SATL1: variants seen among roughly 807,000 people sequenced by gnomAD.
SATL1 encodes spermidine/spermine N(1)-acetyltransferase-like protein 1.
Under a neutral mutation model 51.8 loss-of-function variants are expected in SATL1, and 47 were observed. The observed-to-expected ratio is 0.91, with a 90% confidence interval of 0.72 to 1.16. The LOEUF is 1.16. Ranked by LOEUF, SATL1 falls within the 50% of genes most tolerant of loss-of-function variation. SATL1 has a pLI of 0.00. For synonymous variants in SATL1, 176 were observed against 182.4 expected, an observed-to-expected ratio of 0.97 and a Z score of 0.28; for missense variants, 520 against 526.4, an observed-to-expected ratio of 0.99 and a Z score of 0.12.
At chrX:85,161,479 TA>T (rs375382557) in intron 2 of SATL1, among the ~76,000 whole-genome samples, 7,441 of 59,374 alleles carry the variant, frequency 0.13, 670 homozygotes, top group African/African-American at 0.31. Flanking sequence ...GCCAAGCAAA[TA>T]AAAAAAAAAA....
chrX:85,195,844 G>A (rs66544435), intron 2 of SATL1, among the ~76,000 whole-genome samples: 30,559 of 109,219 alleles, frequency 0.28, 5,063 homozygotes, highest in African/African-American at 0.62. Context: ...AGTTTTGTCT[G>A]TGGGGGTTCA....
chrX:85,174,901 T>TAACA (rs1261179229), intron 2 of SATL1, among the ~76,000 whole-genome samples: 7 of 111,698 alleles, frequency 6.3e-5, no homozygotes, highest in Admixed American at 2.9e-4. Flanking sequence ...AAGACTTTAA[T>TAACA]AACAAAACCT....
At chrX:85,145,899 C>CTT (rs34920295) in intron 2 of SATL1, among the ~76,000 whole-genome samples, 148 of 96,614 alleles carry the variant, frequency 1.5e-3, no homozygotes, top group South Asian at 9.0e-3. Context: ...ACAGTATATT[C>CTT]TTTTTTTTTT....
chrX:85,193,799 G>T (rs779580393), intron 2 of SATL1, among the ~76,000 whole-genome samples: 3 of 111,997 alleles, frequency 2.7e-5, no homozygotes, highest in Non-Finnish European at 5.6e-5. Flanking sequence ...GCATTAGTTT[G>T]CTAAGAATAA....
intron 2 of SATL1, among the ~76,000 whole-genome samples, chrX:85,171,445 T>G (rs1369450834): frequency 8.9e-6 from 1 of 111,886 alleles, no homozygotes. Context: ...TGCAATATCA[T>G]TCTAATGTTT....
intron 4 of SATL1, among the ~76,000 whole-genome samples, chrX:85,096,597 A>T (rs767752242): frequency 8.9e-6 from 1 of 111,973 alleles, no homozygotes; most frequent in East Asian, 2.8e-4. Context: ...ACCAAGACAC[A>T]TTATAATGAA....
In SATL1 at chrX:85,139,095, G is replaced by T. The variant is rs750370312; in HGVS notation, c.-312-29815C>A. Among the ~76,000 whole-genome samples, 9 of 111,274 alleles carry T rather than the reference G, an allele frequency of 8.1e-5. No individual in the cohort carries two copies. In the East Asian group the frequency reaches 2.5e-3, roughly 31 times the overall value. On this transcript the variant is annotated intron_variant, in intron 2 of 7. Coordinates refer to ENST00000644105, the MANE Select transcript of SATL1 (RefSeq NM_001367857.2). The stretch of plus-strand genomic sequence containing the variant: ...ATGCAGAATTTTCTAGCCGTTTGCT[G>T]ACCACCATCATAAGGAGACTTTCAC...
At position 85,107,872 on chromosome X, in the gene SATL1, G is replaced by A. The variant is rs746785411; in HGVS notation, c.1097C>T (p.Thr366Met). The A allele has an allele frequency of 2.0e-5, 24 of 1,211,092 alleles. No individual in the cohort carries two copies. Among genetic ancestry groups the A allele is most frequent in the East Asian group, 5.9e-5 (2 of 33,781 alleles). Reference protein sequence around the residue: ...PSQSGPRQSSTSQAGTNQSGI... With the variant: ...PSQSGPRQSSMSQAGTNQSGI... ...TGATTGGTTTGTGCCTGCTTGGCTC[G>A]TGCTTGATTGTCTGGGGCCTGATTG... Residue 366 changes from threonine (T) to methionine (M), a missense_variant, in exon 3 of 8, where the codon ACG (threonine) becomes ATG (methionine). Transcript: ENST00000644105.
chrX:85,205,600 C>T (rs1927777345), intron 2 of SATL1, among the ~76,000 whole-genome samples: 1 of 111,859 alleles, frequency 8.9e-6, no homozygotes, highest in Non-Finnish European at 1.9e-5. Flanking sequence ...AGAAGAACTA[C>T]TACAAAAATC....
At chrX:85,220,315 T>C (rs1296383985) in intron 2 of SATL1, among the ~76,000 whole-genome samples, 1 of 109,607 alleles carries the variant, frequency 9.1e-6, no homozygotes, top group Non-Finnish European at 1.9e-5. Flanking sequence ...GCAAACTTGA[T>C]AGGCAGTCTA....
intron 2 of SATL1, chrX:85,117,389 T>C (rs1925403810): frequency 1.8e-5 from 2 of 111,866 alleles, no homozygotes; most frequent in Non-Finnish European, 3.8e-5. Flanking sequence ...TGGTAACAAC[T>C]CCGGCTTGGT....
At chrX:85,125,785 T>G (rs749141506) in intron 2 of SATL1, among the ~76,000 whole-genome samples, 23 of 109,863 alleles carry the variant, frequency 2.1e-4, no homozygotes, top group African/African-American at 7.2e-4. Flanking sequence ...ATCATTCAAT[T>G]AAAATCCTTA....
intron 2 of SATL1, among the ~76,000 whole-genome samples, chrX:85,111,750 T>G (rs962319328): frequency 8.9e-6 from 1 of 112,221 alleles, no homozygotes. Flanking sequence ...TTTCTAAAAC[T>G]TCAAAATGTA....
chrX:85,125,957 T>A (rs759647132), intron 2 of SATL1, among the ~76,000 whole-genome samples: 2 of 110,666 alleles, frequency 1.8e-5, no homozygotes, highest in African/African-American at 6.6e-5. Flanking sequence ...CTCATTGTAA[T>A]CCTATGTTAC....
At chrX:85,241,204 C>CAT (rs968504280) in intron 1 of SATL1, among the ~76,000 whole-genome samples, 10 of 110,350 alleles carry the variant, frequency 9.1e-5, no homozygotes, top group Admixed American at 2.9e-4. Flanking sequence ...ACAGTAGAGC[C>CAT]ATATATATAT....
rs1482096479 is a variant in SATL1, at chrX:85,202,411, TG to T, written c.-313+21793del. Among the ~76,000 whole-genome samples, 3 of 111,796 alleles carry T rather than the reference TG, an allele frequency of 2.7e-5. No individual in the cohort carries two copies. The Admixed American group carries it at 2.9e-4, about 11-fold the overall frequency. On this transcript the variant is annotated intron_variant, in intron 2 of 7. Coordinates refer to ENST00000644105, the MANE Select transcript of SATL1 (RefSeq NM_001367857.2). ...TTTGGTAGAGTTTTGCTTGGTTATA[TG>T]GCTTCCCTGTGTTTCCTCACAGTTG...
chrX:85,239,456 T>C (rs1254777250), intron 1 of SATL1, among the ~76,000 whole-genome samples: 1 of 111,888 alleles, frequency 8.9e-6, no homozygotes, highest in Non-Finnish European at 1.9e-5. Context: ...AAGAGATCTA[T>C]AGATTAACAC....
intron 1 of SATL1, among the ~76,000 whole-genome samples, chrX:85,234,930 T>TA (rs950180217): frequency 5.4e-5 from 6 of 110,275 alleles, no homozygotes; most frequent in Admixed American, 1.9e-4. Flanking sequence ...TGAATGGTTT[T>TA]AAAAAAAACA....
Position 85,129,075 on chromosome X carries a change from T to C in SATL1, c.-312-19795A>G, listed in dbSNP as rs765550646. Among the ~76,000 whole-genome samples the C allele has an allele frequency of 9.8e-5, 11 of 111,919 alleles. No individual in the cohort carries two copies. The East Asian group carries it at 2.0e-3, about 20-fold the overall frequency. ...CCTTGTAGTATAGCTTGAAGTCAGG[T>C]AGCGTGATGCCTCCAGCTTTGCTCT... On this transcript the variant is annotated intron_variant, in intron 2 of 7. Coordinates refer to ENST00000644105, the MANE Select transcript of SATL1 (RefSeq NM_001367857.2).
Sources: gnomAD v4.1 joint callset for allele counts (sites outside exome capture counted in the v4.1 genomes callset) on GRCh38, gnomAD v4.1.1 for gene constraint, MANE v1.5 for transcripts, NCBI Gene and HGNC (gene_info 2026-07-23, HGNC 2026-07-21) for gene names.